The following CPD variants were observed in gnomAD, a reference collection of about 807,000 sequenced individuals.
The protein encoded by CPD is carboxypeptidase D.
Under a neutral mutation model 138.3 loss-of-function variants are expected in CPD, and 69 were observed. The observed-to-expected ratio is 0.50, with a 90% CI of 0.41 to 0.61. The LOEUF is 0.61. Among genes scored for constraint, CPD ranks in the 20% least tolerant of loss-of-function variants. The pLI, the probability that CPD is intolerant of heterozygous loss-of-function variation, is 0.00. For synonymous variants in CPD, 651 were observed against 642.1 expected, an observed-to-expected ratio of 1.01 and a Z score of -0.21; for missense variants, 1,432 against 1,733.3, an observed-to-expected ratio of 0.83 and a Z score of 3.09.
intron 20 of CPD, 116 bp downstream of exon 20, chr17:30,462,585 C>A: frequency 1.4e-6 from 1 of 690,112 alleles, no homozygotes; most frequent in South Asian, 1.8e-5. Flanking sequence ...CTTCTAATGT[C>A]TCCTTATCTA....
chr17:30,413,301 A>G (rs576521933), intron 2 of CPD, among the ~76,000 whole-genome samples: 4 of 152,364 alleles, frequency 2.6e-5, no homozygotes, highest in Admixed American at 2.6e-4. Context: ...GGTGACTAAT[A>G]TCATAATGAC....
At chr17:30,406,931 A>G (rs1247041380) in intron 2 of CPD, among the ~76,000 whole-genome samples, 1 of 152,140 alleles carries the variant, frequency 6.6e-6, no homozygotes, top group African/African-American at 2.4e-5. Flanking sequence ...TATCATTTAC[A>G]TTAGGTATTT....
intron 11 of CPD, among the ~76,000 whole-genome samples, chr17:30,444,516 C>CTTTTTT (rs34419729): frequency 1.7e-5 from 2 of 120,852 alleles, no homozygotes; most frequent in African/African-American, 3.3e-5. Flanking sequence ...ATGCTAGTAA[C>CTTTTTT]TTTTTTTTTT....
chr17:30,425,718 A>C (rs1912388457), intron 6 of CPD, among the ~76,000 whole-genome samples: 1 of 151,774 alleles, frequency 6.6e-6, no homozygotes, highest in Non-Finnish European at 1.5e-5. Flanking sequence ...CAACATTGTG[A>C]TAATGTCATT....
chr17:30,433,935 T>G (rs1912633319), intron 8 of CPD, among the ~76,000 whole-genome samples: 1 of 152,222 alleles, frequency 6.6e-6, no homozygotes, highest in Non-Finnish European at 1.5e-5. Flanking sequence ...TCTTGTGTCT[T>G]CATATCTTAT....
rs1468414531 is a variant in CPD at position 30,379,698 on chromosome 17, G to A, written c.718G>A (p.Ala240Thr). The A allele has an allele frequency of 6.6e-7, 1 of 1,508,924 alleles. No homozygotes were observed. The highest frequency in any genetic ancestry group is 8.7e-7 in the Non-Finnish European group (1 of 1,147,328). The allele number at this position is 1,508,924 out of a possible 1,614,324, so 93.5% of individuals were successfully genotyped here. ...PALDEVPEVR[A>T]LIEWIRRNKF... ...CCTGGACGAGGTGCCCGAGGTGCGC[G>A]CCCTCATCGAGTGGATCCGCAGGAA... Residue 240 changes from alanine (A) to threonine (T), a missense_variant, in exon 1 of 21, where the codon GCC (alanine) becomes ACC (threonine). Coordinates refer to ENST00000225719, the MANE Select transcript of CPD (RefSeq NM_001304.5). The surrounding 1 kb of genome is among the most constrained non-coding windows in gnomAD (Gnocchi z 7.0).
chr17:30,459,894 C>A (rs536725314), intron 17 of CPD, among the ~76,000 whole-genome samples: 21 of 152,224 alleles, frequency 1.4e-4, no homozygotes, highest in Non-Finnish European at 2.8e-4. Context: ...ACATGTGCAA[C>A]CAGAAAATTG....
intron 2 of CPD, among the ~76,000 whole-genome samples, chr17:30,419,676 G>A (rs1414810384): frequency 1.3e-5 from 2 of 152,172 alleles, no homozygotes; most frequent in African/African-American, 2.4e-5. Context: ...CATAGAATGC[G>A]AGGGTTTGAA....
At chr17:30,380,643 G>A (rs1465403018) in intron 1 of CPD, 1 of 1,509,716 alleles carries the variant, frequency 6.6e-7, no homozygotes, top group East Asian at 2.5e-5. Flanking sequence ...TATTTATGAG[G>A]TATGTTGGTG....
At chr17:30,401,132 T>C (rs1911648012) in intron 2 of CPD, among the ~76,000 whole-genome samples, 1 of 152,190 alleles carries the variant, frequency 6.6e-6, no homozygotes, top group African/African-American at 2.4e-5. Context: ...TTCAGTCATT[T>C]GAATTTTTCT....
At chr17:30,423,046 T>A in intron 5 of CPD, 23 bp downstream of exon 5, 1 of 1,530,754 alleles carries the variant, frequency 6.5e-7, no homozygotes, top group East Asian at 2.3e-5. Context: ...GTCTTACACA[T>A]AATTTCAGTA....
intron 2 of CPD, among the ~76,000 whole-genome samples, chr17:30,414,779 G>T (rs980537139): frequency 1.3e-5 from 2 of 152,176 alleles, no homozygotes; most frequent in Non-Finnish European, 2.9e-5. Context: ...CTATTTAATA[G>T]AAGAATGAAA....
Position 30,465,083 on chromosome 17 carries a change from G to T in CPD, c.*269G>T. On this transcript the variant is annotated 3_prime_UTR_variant, in exon 21 of 21. Transcript: ENST00000225719. ...TTTAATTTAAGATGAGCTATTTGGAGCTTATGTAATAATGGCATAAAGCCA... is the reference window on the plus strand; with the variant it reads ...TTTAATTTAAGATGAGCTATTTGGATCTTATGTAATAATGGCATAAAGCCA... The T allele has an allele frequency of 2.6e-6, 1 of 384,188 alleles. No individual in the cohort carries two copies. Among genetic ancestry groups the T allele is most frequent in the Non-Finnish European group, 4.8e-6 (1 of 208,132 alleles). The allele number at this position is 384,188 out of a possible 1,614,324, so 23.8% of individuals were successfully genotyped here.
chr17:30,451,074 T>A (rs1487098304), intron 13 of CPD, among the ~76,000 whole-genome samples: 1 of 152,200 alleles, frequency 6.6e-6, no homozygotes, highest in African/African-American at 2.4e-5. Flanking sequence ...CGTCATTATA[T>A]CCTCAACCCT....
chr17:30,442,558 A>T lies in CPD; in HGVS notation c.2373+108A>T. ...TTTGGAATACACTCTTTAAAATTTC[A>T]ATTCATTTTAGTATATTTAACCAGT... On this transcript the variant is annotated intron_variant, in intron 10 of 20. Transcript: ENST00000225719. The T allele has an allele frequency of 2.9e-6, 3 of 1,042,982 alleles. No individual in the cohort carries two copies. In the South Asian group the frequency reaches 4.9e-5, roughly 17 times the overall value. The allele number at this position is 1,042,982 out of a possible 1,614,324, so 64.6% of individuals were successfully genotyped here. A position where few individuals can be genotyped will look rare whatever the true frequency, so the allele number is the denominator to read the frequency against.
chr17:30,424,988 A>G (rs1912365049), intron 6 of CPD, among the ~76,000 whole-genome samples: 1 of 152,254 alleles, frequency 6.6e-6, no homozygotes, highest in South Asian at 2.1e-4. Flanking sequence ...TCTTACTTAT[A>G]TATGTATATA....
chr17:30,404,116 T>C (rs1055525413), intron 2 of CPD, among the ~76,000 whole-genome samples: 1 of 152,188 alleles, frequency 6.6e-6, no homozygotes, highest in African/African-American at 2.4e-5. Flanking sequence ...CCTTCTGGGA[T>C]ATAGAAATGT....
Position 30,462,051 on chromosome 17 carries a change from C to G in CPD, c.3805C>G (p.Gln1269Glu), listed in dbSNP as rs142087464. The G allele has an allele frequency of 3.0e-5, 49 of 1,607,638 alleles. No individual in the cohort carries two copies. The highest frequency in any genetic ancestry group is 4.0e-5 in the Non-Finnish European group (47 of 1,178,006). Residue 1269 changes from glutamine to glutamate, a missense_variant, in exon 19 of 21, where the codon CAA becomes GAA. Coordinates refer to ENST00000225719, the MANE Select transcript of CPD (RefSeq NM_001304.5). ...TGCCATCGCTGATGGGTACCAGCAA[C>G]AACATTCACAGGTAAGAAACTCAAA... Reference protein sequence around the residue: ...IIAIADGYQQQHSQVFVHHDA... With the variant: ...IIAIADGYQQEHSQVFVHHDA...
In CPD at chr17:30,391,099, G is replaced by T. The variant is rs149522655; in HGVS notation, c.994+5863G>T. Among the ~76,000 whole-genome samples, 202 of 149,666 alleles carry T rather than the reference G, an allele frequency of 1.3e-3. 2 individuals are homozygous for T. The highest frequency in any genetic ancestry group is 4.2e-3 in the African/African-American group (169 of 40,588). On this transcript the variant is annotated intron_variant, in intron 2 of 20. Coordinates refer to ENST00000225719, the MANE Select transcript of CPD (RefSeq NM_001304.5). ...CCTGCCTCGCCCTCCCAAAGTGCTG[G>T]GATTACAGGCCTGAGCTACCGTGCC...
Sources: allele counts gnomAD v4.1 joint callset (sites outside exome capture counted in the v4.1 genomes callset), GRCh38; gene constraint gnomAD v4.1.1; non-coding constraint Gnocchi (gnomAD v3.1); transcripts MANE v1.5; gene names NCBI Gene and HGNC (gene_info 2026-07-23, HGNC 2026-07-21).